TSHZ2: variants seen among roughly 807,000 people sequenced by gnomAD.
TSHZ2 encodes teashirt zinc finger homeobox 2.
TSHZ2 carries 21 observed loss-of-function variants against 74.4 expected under a neutral mutation model. The observed-to-expected ratio is 0.28, with a 90% CI of 0.20 to 0.41. The LOEUF is 0.41. TSHZ2 is among the 10% of genes least tolerant of loss of function. The pLI is 1.00. For missense variants in TSHZ2, 1,244 were observed against 1,293.5 expected (o/e 0.96, Z 0.59); for synonymous variants, 540 against 515.3 (o/e 1.05, Z -0.65).
chr20:53,122,395 G>A (rs1020455349), intron 1 of TSHZ2, among the ~76,000 whole-genome samples: 1 of 151,744 alleles, frequency 6.6e-6, no homozygotes, highest in Non-Finnish European at 1.5e-5. Flanking sequence ...GCATCTAGTT[G>A]AGTATGTTTT....
At chr20:53,305,976 A>G (rs994810475) in intron 2 of TSHZ2, among the ~76,000 whole-genome samples, 10 of 73,874 alleles carry the variant, frequency 1.4e-4, no homozygotes, top group Non-Finnish European at 2.6e-4. Context: ...AGACTCTGTG[A>G]AAAAAAAAAA....
In TSHZ2 at chr20:53,256,532, C is replaced by A; in HGVS notation, c.3074C>A (p.Ser1025Ter). ...KTHSKSPEHH[S>*]QFVTDVDEE is the part of the protein sequence containing the mutation. ...CACAGCAAGTCACCCGAACACCATT[C>A]ACAGTTTGTAACAGACGTGGATGAA... The change falls in exon 2 of 3, where the codon TCA (serine) becomes TAA (stop). Residue 1025 changes from serine to a stop codon, truncating the protein, a stop_gained. Coordinates refer to ENST00000371497, the MANE Select transcript of TSHZ2 (RefSeq NM_173485.6). LOFTEE classifies it high-confidence loss of function. The surrounding 1 kb of genome is among the most constrained non-coding windows in gnomAD (Gnocchi z 4.3). The A allele has an allele frequency of 6.2e-7, 1 of 1,603,762 alleles. No individual in the cohort carries two copies. The highest frequency in any genetic ancestry group is 1.1e-5 in the South Asian group (1 of 89,478).
chr20:53,077,385 A>G (rs1985398924), intron 1 of TSHZ2, among the ~76,000 whole-genome samples: 1 of 148,906 alleles, frequency 6.7e-6, no homozygotes, highest in Admixed American at 6.8e-5. Flanking sequence ...CACTGCAGCC[A>G]GGATGACAGA....
intron 1 of TSHZ2, among the ~76,000 whole-genome samples, chr20:53,000,470 G>A (rs1232862137): frequency 6.6e-6 from 1 of 152,106 alleles, no homozygotes; most frequent in Non-Finnish European, 1.5e-5. Context: ...CATTTGCTGT[G>A]TAATAGAAGG....
intron 2 of TSHZ2, among the ~76,000 whole-genome samples, chr20:53,291,109 G>A (rs1309883740): frequency 6.6e-6 from 1 of 152,168 alleles, no homozygotes; most frequent in Non-Finnish European, 1.5e-5. Flanking sequence ...TCAAGAACAT[G>A]AAAACTGAAG....
intron 2 of TSHZ2, among the ~76,000 whole-genome samples, chr20:53,345,661 G>A (rs1305134567): frequency 6.6e-6 from 1 of 151,836 alleles, no homozygotes; most frequent in Admixed American, 6.6e-5. Flanking sequence ...TTGTAAATCT[G>A]ATCCCGCCTG....
At chr20:52,984,383 G>A (rs1194046617) in intron 1 of TSHZ2, among the ~76,000 whole-genome samples, 2 of 152,212 alleles carry the variant, frequency 1.3e-5, no homozygotes, top group African/African-American at 2.4e-5. Flanking sequence ...GGAAGTGGCT[G>A]TTTTGGATAA....
intron 2 of TSHZ2, among the ~76,000 whole-genome samples, chr20:53,305,721 G>A (rs1013752631): frequency 2.6e-5 from 4 of 151,974 alleles, no homozygotes; most frequent in Non-Finnish European, 4.4e-5. Context: ...GGCTCACTCC[G>A]GTAATCCCAG....
In TSHZ2 at chr20:53,256,781, A is replaced by G. The variant is rs1160949962; in HGVS notation, c.*8+210A>G. Among the ~76,000 whole-genome samples the G allele has an allele frequency of 6.6e-6, 1 of 152,240 alleles. No individual in the cohort carries two copies. Among genetic ancestry groups the G allele is most frequent in the Admixed American group, 6.5e-5 (1 of 15,286 alleles). ...CTAGTTTAGAGCTGGGAACTAGAAT[A>G]AAACGGGTTTAGAGAGATAAAGTTC... On this transcript the variant is annotated intron_variant, in intron 2 of 2. Coordinates refer to ENST00000371497, the MANE Select transcript of TSHZ2 (RefSeq NM_173485.6). The surrounding 1 kb of genome is among the most constrained non-coding windows in gnomAD (Gnocchi z 4.3).
intron 1 of TSHZ2, among the ~76,000 whole-genome samples, chr20:53,198,486 G>A (rs886332762): frequency 6.6e-6 from 1 of 152,196 alleles, no homozygotes; most frequent in Non-Finnish European, 1.5e-5. Flanking sequence ...AATTGAAATT[G>A]AGGTCACATA....
intron 1 of TSHZ2, among the ~76,000 whole-genome samples, chr20:53,030,925 A>G (rs1442532987): frequency 4.6e-5 from 7 of 152,248 alleles, no homozygotes; most frequent in African/African-American, 1.7e-4. Flanking sequence ...AAAATTTTAA[A>G]TGGTGATAAA....
intron 1 of TSHZ2, among the ~76,000 whole-genome samples, chr20:53,075,602 G>C (rs1308337860): frequency 6.6e-6 from 1 of 152,198 alleles, no homozygotes; most frequent in African/African-American, 2.4e-5. Flanking sequence ...AGTTTGGATA[G>C]TATGTTCTAG....
chr20:53,356,708 A>G (rs774690429), intron 2 of TSHZ2, among the ~76,000 whole-genome samples: 15 of 152,174 alleles, frequency 9.9e-5, no homozygotes, highest in Non-Finnish European at 2.1e-4. Context: ...AAAAGGATCC[A>G]TAAGTCCAAA....
At chr20:53,404,209 T>C (rs1982767543) in intron 2 of TSHZ2, among the ~76,000 whole-genome samples, 1 of 152,190 alleles carries the variant, frequency 6.6e-6, no homozygotes, top group Admixed American at 6.5e-5. Flanking sequence ...AGAGTAAAAT[T>C]TAAAATGCTT....
intron 1 of TSHZ2, among the ~76,000 whole-genome samples, chr20:53,005,568 C>A (rs11699642): frequency 6.6e-6 from 1 of 152,142 alleles, no homozygotes; most frequent in East Asian, 1.9e-4. Flanking sequence ...CTGCATGCAG[C>A]GTGTCCTGTG....
At chr20:53,170,873 A>G (rs1342263772) in intron 1 of TSHZ2, among the ~76,000 whole-genome samples, 1 of 152,114 alleles carries the variant, frequency 6.6e-6, no homozygotes, top group Non-Finnish European at 1.5e-5. Context: ...TCCCTCCTCC[A>G]GTCCCAAATC....
At chr20:53,089,341 T>TTA (rs370108566) in intron 1 of TSHZ2, among the ~76,000 whole-genome samples, 1,695 of 129,756 alleles carry the variant, frequency 0.013, 46 homozygotes, top group African/African-American at 0.041. Flanking sequence ...TTTTTTTTTT[T>TTA]ATTAAACAGA....
intron 2 of TSHZ2, among the ~76,000 whole-genome samples, chr20:53,363,493 TCTC>T (rs1192584186): frequency 6.6e-6 from 1 of 152,164 alleles, no homozygotes; most frequent in African/African-American, 2.4e-5. Flanking sequence ...AGGACTGAGA[TCTC>T]CTGATTTTGA....
chr20:53,014,119 T>C (rs1982948298), intron 1 of TSHZ2, among the ~76,000 whole-genome samples: 1 of 152,106 alleles, frequency 6.6e-6, no homozygotes, highest in Admixed American at 6.6e-5. Context: ...AAGTTCATGA[T>C]CAAGGTGCTA....
Sources: allele counts gnomAD v4.1 joint callset (sites outside exome capture counted in the v4.1 genomes callset), GRCh38; gene constraint gnomAD v4.1.1; non-coding constraint Gnocchi (gnomAD v3.1); transcripts MANE v1.5; gene names NCBI Gene and HGNC (gene_info 2026-07-23, HGNC 2026-07-21).